METTL15: variants seen among roughly 807,000 people sequenced by gnomAD.
The protein encoded by METTL15 is methyltransferase 15, mitochondrial 12S rRNA N4-cytidine, also known as 12S rRNA N(4)-cytidine methyltransferase METTL15.
Under a neutral mutation model 38.3 loss-of-function variants are expected in METTL15, and 34 were observed. The ratio of observed to expected loss-of-function variants is 0.89; its 90% CI spans 0.68 to 1.18. The LOEUF (loss-of-function observed/expected upper bound fraction) is 1.18, where lower values mean the gene tolerates loss of function less well. METTL15 is among the 50% of genes most tolerant of loss of function. The pLI, the probability that METTL15 is intolerant of heterozygous loss-of-function variation, is 0.00. For synonymous variants in METTL15, 162 were observed against 170.9 expected (o/e 0.95, Z 0.41); for missense variants, 438 against 498.4 (o/e 0.88, Z 1.15).
intron 4 of METTL15, among the ~76,000 whole-genome samples, chr11:28,268,784 ATAT>A (rs771964617): frequency 3.5e-4 from 53 of 152,224 alleles, no homozygotes; most frequent in African/African-American, 1.2e-3. Context: ...CCTGATTAGG[ATAT>A]TATTATTACA....
At chr11:28,435,654 C>T (rs1590374129) in intron 6 of METTL15, among the ~76,000 whole-genome samples, 1 of 151,780 alleles carries the variant, frequency 6.6e-6, no homozygotes, top group Admixed American at 6.5e-5. Flanking sequence ...ATTCTTTTTT[C>T]CTCCAGGCTG....
chr11:28,409,428 T>C (rs929975396), intron 5 of METTL15, among the ~76,000 whole-genome samples: 1 of 139,082 alleles, frequency 7.2e-6, no homozygotes, highest in African/African-American at 2.6e-5. Context: ...TCATATGTAA[T>C]ATGGTTTCTG....
chr11:28,404,642 A>G (rs930255397), intron 5 of METTL15, among the ~76,000 whole-genome samples: 1 of 152,104 alleles, frequency 6.6e-6, no homozygotes, highest in Non-Finnish European at 1.5e-5. Flanking sequence ...AGGGGACACA[A>G]ATATTCAGAT....
intron 5 of METTL15, among the ~76,000 whole-genome samples, chr11:28,369,073 G>A (rs1224255315): frequency 2.0e-5 from 3 of 152,016 alleles, no homozygotes; most frequent in African/African-American, 7.2e-5. Context: ...GATGGGTGCA[G>A]CAAGCCACCA....
intron 5 of METTL15, among the ~76,000 whole-genome samples, chr11:28,390,733 C>A (rs1236515553): frequency 3.3e-5 from 5 of 151,464 alleles, no homozygotes; most frequent in Admixed American, 6.6e-5. Context: ...GTTCCATATG[C>A]ACTTTAAAGT....
chr11:28,481,469 AATTGTTG>A (rs1280717377), intron 6 of METTL15, among the ~76,000 whole-genome samples: 2 of 152,128 alleles, frequency 1.3e-5, no homozygotes, highest in African/African-American at 4.8e-5. Flanking sequence ...CAATTGTTCC[AATTGTTG>A]GGGGCACACT....
chr11:28,215,899 C>G (rs1013996452), intron 4 of METTL15, among the ~76,000 whole-genome samples: 2 of 151,882 alleles, frequency 1.3e-5, no homozygotes, highest in Admixed American at 1.3e-4. Flanking sequence ...CACCTGTAGT[C>G]CCAGGTACTC....
intron 6 of METTL15, among the ~76,000 whole-genome samples, chr11:28,316,349 C>T (rs1447791714): frequency 6.6e-6 from 1 of 152,164 alleles, no homozygotes; most frequent in Admixed American, 6.5e-5. Flanking sequence ...TTCATGGGGC[C>T]TGTAGCCCGT....
At chr11:28,439,442 A>G (rs1015689248) in intron 6 of METTL15, among the ~76,000 whole-genome samples, 1 of 152,352 alleles carries the variant, frequency 6.6e-6, no homozygotes, top group Non-Finnish European at 1.5e-5. Flanking sequence ...GCTCAAGAAA[A>G]TTCTGTTTCC....
At chr11:28,436,024 T>C (rs956773686) in intron 6 of METTL15, among the ~76,000 whole-genome samples, 5 of 151,944 alleles carry the variant, frequency 3.3e-5, no homozygotes, top group Non-Finnish European at 1.5e-5. Context: ...TATATCTTTC[T>C]TGTAGCAGTG....
At chr11:28,355,351 T>G (rs1384728189) in intron 4 of METTL15, among the ~76,000 whole-genome samples, 1 of 152,228 alleles carries the variant, frequency 6.6e-6, no homozygotes, top group Admixed American at 6.5e-5. Context: ...AAAAATTTTA[T>G]TTAAAGTATG....
intron 6 of METTL15, among the ~76,000 whole-genome samples, chr11:28,313,214 T>G (rs888434849): frequency 6.6e-6 from 1 of 152,116 alleles, no homozygotes; most frequent in Non-Finnish European, 1.5e-5. Context: ...ATTGTAATGA[T>G]TAGAAATTAC....
chr11:28,268,689 C>G lies in METTL15; in HGVS notation c.408-21517C>G, dbSNP rs557423078. Among the ~76,000 whole-genome samples, 5 of 152,148 alleles carry G rather than the reference C, an allele frequency of 3.3e-5. No homozygotes were observed. The East Asian group carries it at 9.6e-4, about 29-fold the overall frequency. ...ATTTATATGTTTATTTGAGAAATAT[C>G]CTTTCTGAAAAATGATGGATATTCT... On this transcript the variant is annotated intron_variant, in intron 4 of 6. Coordinates refer to ENST00000407364, the MANE Select transcript of METTL15 (RefSeq NM_001113528.2).
intron 3 of METTL15, among the ~76,000 whole-genome samples, chr11:28,344,225 A>G (rs949766649): frequency 1.3e-5 from 2 of 152,208 alleles, no homozygotes; most frequent in Non-Finnish European, 2.9e-5. Flanking sequence ...TCTCCATGAC[A>G]TATGAATGCA....
At chr11:28,503,140 G>T (rs749542078) in intron 6 of METTL15, among the ~76,000 whole-genome samples, 30 of 152,118 alleles carry the variant, frequency 2.0e-4, no homozygotes, top group Non-Finnish European at 3.4e-4. Flanking sequence ...CAGTTGCAGT[G>T]GTGTACAGTA....
chr11:28,420,084 A>C (rs1050651462), intron 5 of METTL15, among the ~76,000 whole-genome samples: 2 of 152,118 alleles, frequency 1.3e-5, no homozygotes, highest in Non-Finnish European at 2.9e-5. Flanking sequence ...AAAGACAGAG[A>C]AAGAGACAAA....
At chr11:28,463,392 C>T (rs1417842019) in intron 6 of METTL15, among the ~76,000 whole-genome samples, 1 of 152,042 alleles carries the variant, frequency 6.6e-6, no homozygotes, top group Non-Finnish European at 1.5e-5. Context: ...CTCAAGATCT[C>T]TCAGGGACAA....
intron 6 of METTL15, among the ~76,000 whole-genome samples, chr11:28,479,165 C>T (rs1430870170): frequency 6.6e-6 from 1 of 151,586 alleles, no homozygotes; most frequent in African/African-American, 2.4e-5. Flanking sequence ...AGGGTTGTTG[C>T]TATTTTGTTT....
intron 5 of METTL15, chr11:28,398,794 T>A (rs1310321758): frequency 6.6e-6 from 1 of 151,878 alleles, no homozygotes; most frequent in Non-Finnish European, 1.5e-5. Context: ...CTAGGGTTTT[T>A]ATGGAGGACA....
Sources: allele counts gnomAD v4.1 joint callset (sites outside exome capture counted in the v4.1 genomes callset), GRCh38; gene constraint gnomAD v4.1.1; transcripts MANE v1.5; gene names NCBI Gene and HGNC (gene_info 2026-07-23, HGNC 2026-07-21).